The following KCNMA1 variants were observed in gnomAD, a reference collection of about 807,000 sequenced individuals.
KCNMA1 encodes the protein Calcium-activated potassium channel subunit alpha-1.
Under a neutral mutation model 140.0 loss-of-function variants are expected in KCNMA1, and 29 were observed. That is an observed-to-expected ratio of 0.21 (90% CI 0.15 to 0.28). KCNMA1 has a LOEUF of 0.28. Among genes scored for constraint, KCNMA1 ranks in the 10% least tolerant of loss-of-function variants. KCNMA1 has a pLI of 1.00. For synonymous variants in KCNMA1, 612 were observed against 611.9 expected, an observed-to-expected ratio of 1.00 and a Z score of 0.00; for missense variants, 880 against 1,602.2, an observed-to-expected ratio of 0.55 and a Z score of 7.70.
At chr10:77,562,929 C>G (rs1239829706) in intron 1 of KCNMA1, among the ~76,000 whole-genome samples, 1 of 152,216 alleles carries the variant, frequency 6.6e-6, no homozygotes, top group Non-Finnish European at 1.5e-5. Context: ...TGCTTACACA[C>G]AATCTTCCAA....
chr10:77,289,680 A>G (rs958864620), intron 2 of KCNMA1, among the ~76,000 whole-genome samples: 1 of 152,204 alleles, frequency 6.6e-6, no homozygotes, highest in Non-Finnish European at 1.5e-5. Flanking sequence ...TTTTGTTTTA[A>G]TGGCTATTTC....
chr10:77,499,436 T>TACAC (rs10672811), intron 1 of KCNMA1, among the ~76,000 whole-genome samples: 9,009 of 142,312 alleles, frequency 0.063, 618 homozygotes, highest in African/African-American at 0.15. Flanking sequence ...CACACACACA[T>TACAC]ACACACACAC....
rs1204247118 is a variant in KCNMA1, at chr10:76,894,361, A to G, written c.3148-2642T>C. Among the ~76,000 whole-genome samples the G allele has an allele frequency of 4.6e-5, 7 of 152,226 alleles. No individual in the cohort carries two copies. In the East Asian group the frequency reaches 1.3e-3, roughly 29 times the overall value. On this transcript the variant is annotated intron_variant, in intron 25 of 27. Transcript: ENST00000286628. ...GGTCAAAGATCTAAATGTAAAAGCT[A>G]AAACTGCAAAATGCTTAGAAGAAAA...
chr10:76,928,672 G>A (rs943694023), intron 23 of KCNMA1, among the ~76,000 whole-genome samples: 1 of 152,240 alleles, frequency 6.6e-6, no homozygotes, highest in South Asian at 2.1e-4. Context: ...GATAAAGTAT[G>A]GCCCTCTTAT....
intron 23 of KCNMA1, chr10:76,939,111 T>C (rs1219991725): frequency 1.9e-4 from 2 of 10,684 alleles, no homozygotes; most frequent in African/African-American, 1.1e-3. Context: ...CCACCTCTTC[T>C]TTTTTTTTTT....
intron 3 of KCNMA1, among the ~76,000 whole-genome samples, chr10:77,192,179 C>T (rs924230105): frequency 1.4e-4 from 21 of 152,042 alleles, no homozygotes; most frequent in African/African-American, 4.6e-4. Context: ...TTCTAGGAGA[C>T]AAAGAAAATG....
intron 1 of KCNMA1, among the ~76,000 whole-genome samples, chr10:77,409,141 G>A (rs1040602616): frequency 3.3e-5 from 5 of 152,196 alleles, no homozygotes; most frequent in East Asian, 1.9e-4. Flanking sequence ...TGACATGGCC[G>A]CAGAGGGGCT....
chr10:77,298,751 T>G (rs2075849450), intron 2 of KCNMA1, among the ~76,000 whole-genome samples: 1 of 152,128 alleles, frequency 6.6e-6, no homozygotes, highest in Non-Finnish European at 1.5e-5. Flanking sequence ...CAGAGAGAAA[T>G]GGCCCTCGGC....
At chr10:77,138,185 G>A (rs1232433274) in intron 5 of KCNMA1, among the ~76,000 whole-genome samples, 3 of 152,216 alleles carry the variant, frequency 2.0e-5, no homozygotes. Flanking sequence ...TATTTGAATA[G>A]AGGAGCCAGT....
At chr10:77,277,149 G>T (rs1378750839) in intron 2 of KCNMA1, among the ~76,000 whole-genome samples, 1 of 152,142 alleles carries the variant, frequency 6.6e-6, no homozygotes, top group African/African-American at 2.4e-5. Context: ...AGCATGGTTG[G>T]GGGAAGCTCT....
At chr10:77,386,245 C>G (rs2095599030) in intron 2 of KCNMA1, among the ~76,000 whole-genome samples, 1 of 152,224 alleles carries the variant, frequency 6.6e-6, no homozygotes, top group Admixed American at 6.5e-5. Context: ...AAAATCTAAT[C>G]CTGACAAAGA....
intron 5 of KCNMA1, among the ~76,000 whole-genome samples, chr10:77,123,073 G>C (rs1030255566): frequency 6.6e-6 from 1 of 150,576 alleles, no homozygotes; most frequent in African/African-American, 2.4e-5. Context: ...CCAGCTACGC[G>C]GGAGGCTGAG....
rs900623705 is a variant in KCNMA1, at chr10:77,554,313, T to G, written c.378+82952A>C. Reference sequence around the variant, plus strand: ...AGGAAGAGTCCAAAGAAATTACTTTTGGGCTGGGTGTGGTGGCTCACACCT... The same window carrying G: ...AGGAAGAGTCCAAAGAAATTACTTTGGGGCTGGGTGTGGTGGCTCACACCT... On this transcript the variant is annotated intron_variant, in intron 1 of 27. Transcript: ENST00000286628. 3.3e-5 allele frequency among the ~76,000 whole-genome samples: 5 copies of G among 152,096 alleles called. No homozygotes were observed. In the East Asian group the frequency reaches 9.6e-4, roughly 29 times the overall value.
chr10:76,921,878 T>C (rs1376283349), intron 23 of KCNMA1, among the ~76,000 whole-genome samples: 1 of 152,174 alleles, frequency 6.6e-6, no homozygotes, highest in Non-Finnish European at 1.5e-5. Context: ...TTCAGTGGCT[T>C]CCTATGAAGC....
intron 22 of KCNMA1, among the ~76,000 whole-genome samples, chr10:76,947,099 C>T (rs1414551817): frequency 2.6e-5 from 4 of 152,212 alleles, no homozygotes; most frequent in Admixed American, 2.0e-4. Context: ...CTTTGGGAGG[C>T]CGAGGTGGGT....
At chr10:77,506,079 T>C (rs901055052) in intron 1 of KCNMA1, among the ~76,000 whole-genome samples, 2 of 152,146 alleles carry the variant, frequency 1.3e-5, no homozygotes, top group Non-Finnish European at 1.5e-5. Context: ...TCTTAGGGAA[T>C]TGTAAAAGGA....
intron 2 of KCNMA1, among the ~76,000 whole-genome samples, chr10:77,252,525 T>TTTG (rs1555076642): frequency 1.4e-5 from 2 of 145,728 alleles, no homozygotes; most frequent in African/African-American, 5.2e-5. Flanking sequence ...TGATCAAGCT[T>TTTG]TGTGTGTGTG....
intron 2 of KCNMA1, among the ~76,000 whole-genome samples, chr10:77,343,809 A>C (rs111434731): frequency 0.01 from 1,542 of 152,344 alleles, 13 homozygotes; most frequent in Non-Finnish European, 0.013. Context: ...GTTTAGGAGA[A>C]GGCCTAGCCA....
intron 14 of KCNMA1, among the ~76,000 whole-genome samples, chr10:77,056,998 GA>G (rs1378149962): frequency 6.6e-6 from 1 of 151,630 alleles, no homozygotes; most frequent in Non-Finnish European, 1.5e-5. Flanking sequence ...TATGGTGCAG[GA>G]AAAAAAAATT....
Sources: gnomAD v4.1 joint callset for allele counts (sites outside exome capture counted in the v4.1 genomes callset) on GRCh38, gnomAD v4.1.1 for gene constraint, MANE v1.5 for transcripts, NCBI Gene and HGNC (gene_info 2026-07-23, HGNC 2026-07-21) for gene names.